RBFOX1: variants seen among roughly 807,000 people sequenced by gnomAD.
RBFOX1 encodes the protein RNA binding fox-1 homolog 1, also known as RNA binding protein fox-1 homolog 1.
In RBFOX1, 8 loss-of-function variants were observed where a neutral mutation model predicts 57.7. The observed-to-expected ratio is 0.14, with a 90% CI of 0.08 to 0.25. The LOEUF (loss-of-function observed/expected upper bound fraction) is 0.25. Ranked by LOEUF, RBFOX1 falls within the 10% of genes least tolerant of loss-of-function variation. RBFOX1 has a pLI of 1.00. For synonymous variants in RBFOX1, 326 were observed against 222.4 expected (o/e 1.47, Z -4.15); for missense variants, 611 against 548.5 (o/e 1.11, Z -1.14).
intron 2 of RBFOX1, among the ~76,000 whole-genome samples, chr16:6,476,072 A>G (rs2153087122): frequency 6.6e-6 from 1 of 152,276 alleles, no homozygotes; most frequent in Admixed American, 6.5e-5. Flanking sequence ...GGCAGTTCCC[A>G]GGTGAAAAAA....
intron 2 of RBFOX1, among the ~76,000 whole-genome samples, chr16:6,651,841 T>G (rs773409605): frequency 6.6e-6 from 1 of 152,172 alleles, no homozygotes; most frequent in Non-Finnish European, 1.5e-5. Flanking sequence ...TATGAATGGA[T>G]AAACCAAATG....
chr16:6,950,442 G>A (rs1380037319), intron 3 of RBFOX1, among the ~76,000 whole-genome samples: 1 of 152,100 alleles, frequency 6.6e-6, no homozygotes, highest in African/African-American at 2.4e-5. Context: ...CAGCAGTTTG[G>A]TATCCTAGTG....
intron 1 of RBFOX1, among the ~76,000 whole-genome samples, chr16:5,426,797 A>G (rs1231640029): frequency 6.6e-6 from 1 of 152,178 alleles, no homozygotes; most frequent in African/African-American, 2.4e-5. Flanking sequence ...GCTGGCTACC[A>G]TTAAATATAA....
At chr16:5,866,275 C>G (rs1174450078) in intron 3 of RBFOX1, among the ~76,000 whole-genome samples, 1 of 152,206 alleles carries the variant, frequency 6.6e-6, no homozygotes, top group Non-Finnish European at 1.5e-5. Context: ...AGGCAGCTGT[C>G]TCTTCTTTGA....
chr16:7,076,013 T>C (rs1189572265), intron 4 of RBFOX1, among the ~76,000 whole-genome samples: 2 of 152,050 alleles, frequency 1.3e-5, no homozygotes, highest in African/African-American at 2.4e-5. Context: ...CAGTTGTCAG[T>C]TTCTATTTAT....
intron 1 of RBFOX1, among the ~76,000 whole-genome samples, chr16:5,459,730 C>T (rs145192336): frequency 8.5e-5 from 13 of 152,208 alleles, no homozygotes; most frequent in Admixed American, 4.6e-4. Context: ...CACACATGCA[C>T]GCACACACAC....
chr16:5,279,411 A>G (rs2063216918), intron 1 of RBFOX1, among the ~76,000 whole-genome samples: 1 of 151,854 alleles, frequency 6.6e-6, no homozygotes, highest in Non-Finnish European at 1.5e-5. Context: ...CTAGTTTGTT[A>G]GTGGTATATA....
intron 3 of RBFOX1, among the ~76,000 whole-genome samples, chr16:6,858,205 G>A (rs945945885): frequency 6.6e-6 from 1 of 152,182 alleles, no homozygotes; most frequent in Admixed American, 6.5e-5. Context: ...TCAAAGTGTT[G>A]TTGGTAAACG....
chr16:5,655,492 T>TG (rs1372944349), intron 3 of RBFOX1, among the ~76,000 whole-genome samples: 2 of 152,126 alleles, frequency 1.3e-5, no homozygotes, highest in Non-Finnish European at 2.9e-5. Context: ...ACACTGAAGA[T>TG]GGGGTGTGGC....
intron 1 of RBFOX1, among the ~76,000 whole-genome samples, chr16:5,361,877 G>T (rs148389363): frequency 6.6e-6 from 1 of 152,332 alleles, no homozygotes; most frequent in African/African-American, 2.4e-5. Flanking sequence ...ACAGCCTGCT[G>T]CTCACAGGCA....
chr16:6,688,595 G>C (rs747469551), intron 3 of RBFOX1, among the ~76,000 whole-genome samples: 33 of 152,134 alleles, frequency 2.2e-4, no homozygotes, highest in Non-Finnish European at 4.4e-4. Context: ...GGTGAAGCCT[G>C]TATCACTGTC....
rs534800190 is a variant in RBFOX1, at chr16:6,550,941, C to G, written c.-63-103662C>G. 4.2e-4 allele frequency among the ~76,000 whole-genome samples: 64 copies of G among 152,220 alleles called. 1 individual carries two copies. The South Asian group carries it at 0.013, about 31-fold the overall frequency. The stretch of plus-strand genomic sequence containing the variant: ...CAACTCAAGTTATCATCATTTGGGT[C>G]TGGCTGTGTTCACTTATGGGAATAC... On this transcript the variant is annotated intron_variant, in intron 2 of 15. Transcript: ENST00000550418.
At chr16:6,639,732 A>T (rs2098471937) in intron 2 of RBFOX1, among the ~76,000 whole-genome samples, 6 of 152,030 alleles carry the variant, frequency 3.9e-5, no homozygotes, top group African/African-American at 1.4e-4. Flanking sequence ...AAACCAAATT[A>T]GTTGGTCAAG....
At chr16:5,436,045 C>A (rs1357302460) in intron 1 of RBFOX1, among the ~76,000 whole-genome samples, 1 of 152,158 alleles carries the variant, frequency 6.6e-6, no homozygotes, top group Non-Finnish European at 1.5e-5. Context: ...AGGTGAGATA[C>A]AAACTAAAAC....
At chr16:6,294,725 G>C (rs963911299) in intron 1 of RBFOX1, among the ~76,000 whole-genome samples, 1 of 152,172 alleles carries the variant, frequency 6.6e-6, no homozygotes, top group African/African-American at 2.4e-5. Context: ...ATAAATACCA[G>C]GTTGTCCTTT....
At chr16:6,244,426 G>C (rs149661461) in intron 1 of RBFOX1, among the ~76,000 whole-genome samples, 4 of 152,292 alleles carry the variant, frequency 2.6e-5, no homozygotes, top group African/African-American at 9.6e-5. Flanking sequence ...TGCCTCTAGG[G>C]ATAACATGGT....
intron 1 of RBFOX1, among the ~76,000 whole-genome samples, chr16:5,301,036 C>G (rs947364894): frequency 3.3e-5 from 5 of 152,164 alleles, no homozygotes; most frequent in Non-Finnish European, 7.3e-5. Flanking sequence ...TATCCACATC[C>G]TTGTGTAATC....
chr16:7,052,562 G>C (rs1346593147), intron 4 of RBFOX1, among the ~76,000 whole-genome samples: 1 of 152,092 alleles, frequency 6.6e-6, no homozygotes, highest in Non-Finnish European at 1.5e-5. Context: ...AGACCTCTTG[G>C]TTTTAGTGAC....
At chr16:7,156,964 T>TA (rs1321248206) in intron 4 of RBFOX1, among the ~76,000 whole-genome samples, 2 of 152,162 alleles carry the variant, frequency 1.3e-5, no homozygotes, top group African/African-American at 2.4e-5. Flanking sequence ...AAAGTGCCTT[T>TA]AAAAAAACAC....
Sources: gnomAD v4.1 joint callset for allele counts (sites outside exome capture counted in the v4.1 genomes callset) on GRCh38, gnomAD v4.1.1 for gene constraint, MANE v1.5 for transcripts, NCBI Gene and HGNC (gene_info 2026-07-23, HGNC 2026-07-21) for gene names.